CENPA: variants seen among roughly 807,000 people sequenced by gnomAD.
The protein encoded by CENPA is centromere protein A.
A neutral mutation model predicts 17.2 loss-of-function variants in CENPA; 7 were observed. The ratio of observed to expected loss-of-function variants is 0.41; its 90% confidence interval spans 0.23 to 0.76. The LOEUF is 0.76. CENPA is among the 30% of genes least tolerant of loss of function. The pLI is 0.34. For missense variants in CENPA, 149 were observed against 193.1 expected (o/e 0.77, Z 1.35); for synonymous variants, 82 against 77.4 (o/e 1.06, Z -0.31).
rs1664673644 is a variant in CENPA at position 26,794,216 on chromosome 2, CCA to C, written c.*454_*455del. 1.3e-5 allele frequency: 2 copies of C among 152,222 alleles called. No homozygotes were observed. Among genetic ancestry groups the C allele is most frequent in the Non-Finnish European group, 2.9e-5 (2 of 68,038 alleles). The allele number at this position is 152,222 out of a possible 1,614,324, so 9.4% of individuals were successfully genotyped here. A position where few individuals can be genotyped will look rare whatever the true frequency, so the allele number is the denominator to read the frequency against. ...TTTACACATAAGGGAAAAAATAAGA[CCA>C]CTTTGAGCAGTTGCCTGGAAGGCTG... is the stretch of plus-strand genomic sequence containing the variant. On this transcript the variant is annotated 3_prime_UTR_variant, in exon 5 of 5. Coordinates refer to ENST00000335756, the MANE Select transcript of CENPA (RefSeq NM_001809.4).
intron 3 of CENPA, 23 bp downstream of exon 3, chr2:26,792,856 T>C (rs1010883243): frequency 3.1e-6 from 5 of 1,608,182 alleles, no homozygotes; most frequent in African/African-American, 1.3e-5. Flanking sequence ...CAAGGCACAA[T>C]TGGGTGAGGG....
chr2:26,790,318 TTTTA>T (rs1466836073), intron 1 of CENPA, among the ~76,000 whole-genome samples: 11 of 151,916 alleles, frequency 7.2e-5, no homozygotes, highest in African/African-American at 2.4e-4. Context: ...TTTTATTTTA[TTTTA>T]TTTATTTATA....
rs1177581858 is a variant in CENPA, at chr2:26,792,791, G to A, written c.246G>A (p.Val82=). 6.2e-7 allele frequency: 1 copy of A among 1,614,064 alleles called. No individual in the cohort carries two copies. The highest frequency in any genetic ancestry group is 8.5e-7 in the Non-Finnish European group (1 of 1,180,042). Residue 82 remains valine, a synonymous_variant, in exon 3 of 5, where the codon GTG becomes GTA. Transcript: ENST00000335756. ...TATGTGTTAAATTCACTCGTGGTGT[G>A]GACTTCAATTGGCAAGCCCAGGCCC... ...REICVKFTRG[V]DFNWQAQALL...
chr2:26,792,824 C>T lies in CENPA; in HGVS notation c.279C>T (p.Ala93=), dbSNP rs1375019374. 6.2e-7 allele frequency: 1 copy of T among 1,613,936 alleles called. No individual in the cohort carries two copies. The highest frequency in any genetic ancestry group is 1.3e-5 in the African/African-American group (1 of 74,894). Residue 93 remains alanine, a synonymous_variant, in exon 3 of 5, where the codon GCC becomes GCT. Transcript: ENST00000335756. ...DFNWQAQALL[A]LQEAAEAFLV... is the part of the protein sequence containing the mutation. ...ATTGGCAAGCCCAGGCCCTATTGGC[C>T]CTACAAGAGGTAAGAAGGCACCAAG...
chr2:26,786,401 A>C lies in CENPA; in HGVS notation c.100+105A>C, dbSNP rs992663506. Reference sequence around the variant, plus strand: ...CGTGGCACTTCCCTGTTGGGGGACAACGCGGTTCCGCCGTCCGGCATCCGC... The same window carrying C: ...CGTGGCACTTCCCTGTTGGGGGACACCGCGGTTCCGCCGTCCGGCATCCGC... On this transcript the variant is annotated intron_variant, in intron 1 of 4. Coordinates refer to ENST00000335756, the MANE Select transcript of CENPA (RefSeq NM_001809.4). 148 of 1,248,076 alleles carry C rather than the reference A, an allele frequency of 1.2e-4. 2 individuals carry two copies. Among genetic ancestry groups the C allele is most frequent in the Non-Finnish European group, 1.5e-4 (148 of 991,354 alleles). The allele number at this position is 1,248,076 out of a possible 1,614,324, so 77.3% of individuals were successfully genotyped here. A position where few individuals can be genotyped will look rare whatever the true frequency, so the allele number is the denominator to read the frequency against.
Position 26,792,422 on chromosome 2 carries a change from T to G in CENPA, c.210+182T>G, listed in dbSNP as rs555238095. On this transcript the variant is annotated intron_variant, in intron 2 of 4. Transcript: ENST00000335756. Reference sequence around the variant, plus strand: ...AGCACCTTGTAATTCTTTATGGAATTGATTTCTAACCTCTACTACCTTTTT... The same window carrying G: ...AGCACCTTGTAATTCTTTATGGAATGGATTTCTAACCTCTACTACCTTTTT... The G allele has an allele frequency of 9.5e-5, 67 of 701,786 alleles. No individual in the cohort carries two copies. In the Admixed American group the frequency reaches 1.1e-3, roughly 12 times the overall value. 43.5% of individuals were successfully genotyped at this position (701,786 alleles called of 1,614,324 possible). A position where few individuals can be genotyped will look rare whatever the true frequency, so the allele number is the denominator to read the frequency against.
At chr2:26,789,647 G>GCTTCCCC (rs1188121042) in intron 1 of CENPA, among the ~76,000 whole-genome samples, 2 of 152,062 alleles carry the variant, frequency 1.3e-5, no homozygotes, top group African/African-American at 4.8e-5. Flanking sequence ...TTCATCCTCA[G>GCTTCCCC]CTTCCCCATT....
Position 26,794,139 on chromosome 2 carries a change from GCT to G in CENPA, c.*378_*379del. ...AAAAGGCTATGTACTTATTATTTTA[GCT>G]CTTTCTGTAATATTTACATTTTTTA... On this transcript the variant is annotated 3_prime_UTR_variant, in exon 5 of 5. Transcript: ENST00000335756. 1 of 152,294 alleles carries G rather than the reference GCT, an allele frequency of 6.6e-6. No individual in the cohort carries two copies. The highest frequency in any genetic ancestry group is 2.4e-5 in the African/African-American group (1 of 41,550). The allele number at this position is 152,294 out of a possible 1,614,324, so 9.4% of individuals were successfully genotyped here.
At chr2:26,791,299 T>C (rs1235159956) in intron 1 of CENPA, among the ~76,000 whole-genome samples, 1 of 152,240 alleles carries the variant, frequency 6.6e-6, no homozygotes, top group African/African-American at 2.4e-5. Context: ...CTTTTTATTG[T>C]TATTCATTTC....
intron 2 of CENPA, chr2:26,792,529 C>T (rs1169289729): frequency 2.8e-6 from 2 of 714,256 alleles, no homozygotes; most frequent in South Asian, 3.0e-5. Context: ...GGGAGATTGC[C>T]TCTCATCACC....
intron 2 of CENPA, 53 bp from the exon 3 acceptor site, chr2:26,792,703 C>G: frequency 7.0e-7 from 1 of 1,419,904 alleles, no homozygotes; most frequent in Non-Finnish European, 1.0e-6. Context: ...TCCCTTGAAT[C>G]TCTCTTCTGT....
Position 26,793,292 on chromosome 2 carries a change from A to G in CENPA, c.*13A>G. 2.5e-6 allele frequency: 4 copies of G among 1,613,056 alleles called. No individual in the cohort carries two copies. The highest frequency in any genetic ancestry group is 2.5e-6 in the Non-Finnish European group (3 of 1,179,790). Reference sequence around the variant, plus strand: ...GGGACTCGGCTGAGCTCCTGCACCCAGTGTTTCTGTCAGTCTTTCCTGCTC... The same window carrying G: ...GGGACTCGGCTGAGCTCCTGCACCCGGTGTTTCTGTCAGTCTTTCCTGCTC... On this transcript the variant is annotated 3_prime_UTR_variant, in exon 4 of 5. Coordinates refer to ENST00000335756, the MANE Select transcript of CENPA (RefSeq NM_001809.4).
At chr2:26,790,856 C>T (rs538447673) in intron 1 of CENPA, among the ~76,000 whole-genome samples, 2 of 152,378 alleles carry the variant, frequency 1.3e-5, no homozygotes, top group East Asian at 3.9e-4. Context: ...TCTCACCTAC[C>T]CTACTTGCTC....
chr2:26,786,205 G>A lies in CENPA; in HGVS notation c.9G>A (p.Pro3=). The change falls in exon 1 of 5, where the codon CCG becomes CCA. Residue 3 remains proline, a synonymous_variant. Transcript: ENST00000335756. MG[P]RRRSRKPEAP... Reference sequence around the variant, plus strand: ...ACCCTCTGCGGCGTGTCATGGGCCCGCGCCGCCGGAGCCGAAAGCCCGAGG... The same window carrying A: ...ACCCTCTGCGGCGTGTCATGGGCCCACGCCGCCGGAGCCGAAAGCCCGAGG... 1 of 1,441,980 alleles carries A rather than the reference G, an allele frequency of 6.9e-7. No individual in the cohort carries two copies. Among genetic ancestry groups the A allele is most frequent in the Admixed American group, 2.7e-5 (1 of 36,726 alleles). The allele number at this position is 1,441,980 out of a possible 1,614,324, so 89.3% of individuals were successfully genotyped here. A position where few individuals can be genotyped will look rare whatever the true frequency, so the allele number is the denominator to read the frequency against.
At chr2:26,786,575 C>T (rs1210109793) in intron 1 of CENPA, among the ~76,000 whole-genome samples, 1 of 152,258 alleles carries the variant, frequency 6.6e-6, no homozygotes, top group East Asian at 1.9e-4. Flanking sequence ...GCCAACCAGG[C>T]ATTGCCTCCC....
At chr2:26,786,325 G>A in intron 1 of CENPA, 29 bp downstream of exon 1, 1 of 1,296,170 alleles carries the variant, frequency 7.7e-7, no homozygotes, top group Non-Finnish European at 9.8e-7. Context: ...ATCTCGAAGA[G>A]GAGAAAACCG....
chr2:26,794,055 A>G lies in CENPA; in HGVS notation c.*291A>G, dbSNP rs1430121329. On this transcript the variant is annotated 3_prime_UTR_variant, in exon 5 of 5. Coordinates refer to ENST00000335756, the MANE Select transcript of CENPA (RefSeq NM_001809.4). ...ACTCCAAGGTTGACTTTAGTTTGTG[A>G]GTTACTCATGTGACTATTTGAGGAT... 1 of 152,244 alleles carries G rather than the reference A, an allele frequency of 6.6e-6. No homozygotes were observed. Among genetic ancestry groups the G allele is most frequent in the Non-Finnish European group, 1.5e-5 (1 of 68,056 alleles). The allele number at this position is 152,244 out of a possible 1,614,324, so 9.4% of individuals were successfully genotyped here.
chr2:26,788,948 T>C (rs1664566906), intron 1 of CENPA, among the ~76,000 whole-genome samples: 3 of 152,208 alleles, frequency 2.0e-5, no homozygotes, highest in Admixed American at 2.0e-4. Flanking sequence ...GTGCTGGGAT[T>C]ACAGGCCTGA....
Position 26,792,225 on chromosome 2 carries a change from G to C in CENPA, c.195G>C (p.Leu65=), listed in dbSNP as rs2148067969. The C allele has an allele frequency of 6.2e-7, 1 of 1,613,268 alleles. No individual in the cohort carries two copies. The highest frequency in any genetic ancestry group is 1.1e-5 in the South Asian group (1 of 90,876). ...QKSTHLLIRK[L]PFSRLAREIC... is the part of the protein sequence containing the mutation. ...GCACACACCTCTTGATAAGGAAGCT[G>C]CCCTTCAGCCGCCTGGTAAGCTCCG... is the stretch of plus-strand genomic sequence containing the variant. The change falls in exon 2 of 5, where the codon CTG becomes CTC. Residue 65 remains leucine, a synonymous_variant. Transcript: ENST00000335756.
Sources: allele counts gnomAD v4.1 joint callset (sites outside exome capture counted in the v4.1 genomes callset), GRCh38; gene constraint gnomAD v4.1.1; transcripts MANE v1.5; gene names NCBI Gene and HGNC (gene_info 2026-07-23, HGNC 2026-07-21).